CDH12: variants seen among roughly 807,000 people sequenced by gnomAD.
The protein encoded by CDH12 is cadherin-12.
A neutral mutation model predicts 74.1 loss-of-function variants in CDH12; 41 were observed. That is an observed-to-expected ratio of 0.55 (90% CI 0.43 to 0.72). The LOEUF (loss-of-function observed/expected upper bound fraction) is 0.72, where lower values mean the gene tolerates loss of function less well. Ranked by LOEUF, CDH12 falls within the 30% of genes least tolerant of loss-of-function variation. The pLI, the probability that CDH12 is intolerant of heterozygous loss-of-function variation, is 0.00. For synonymous variants in CDH12, 399 were observed against 355.0 expected, an observed-to-expected ratio of 1.12 and a Z score of -1.39; for missense variants, 945 against 977.2, an observed-to-expected ratio of 0.97 and a Z score of 0.44.
chr5:22,283,289 T>C (rs1736996174), intron 3 of CDH12, among the ~76,000 whole-genome samples: 1 of 147,448 alleles, frequency 6.8e-6, no homozygotes, highest in South Asian at 2.1e-4. Flanking sequence ...TACACACATA[T>C]ATATATAGCA....
intron 1 of CDH12, among the ~76,000 whole-genome samples, chr5:22,646,780 A>C (rs986812578): frequency 4.6e-5 from 7 of 151,946 alleles, no homozygotes; most frequent in African/African-American, 1.7e-4. Flanking sequence ...CCACACTAAC[A>C]TTTAAGAAAC....
chr5:21,864,588 G>C (rs1025535485), intron 6 of CDH12, among the ~76,000 whole-genome samples: 3 of 152,070 alleles, frequency 2.0e-5, no homozygotes, highest in Non-Finnish European at 4.4e-5. Flanking sequence ...CCCAGTCTTA[G>C]GTATTCTATT....
chr5:22,784,515 C>T (rs1452366606), intron 1 of CDH12, among the ~76,000 whole-genome samples: 3 of 152,102 alleles, frequency 2.0e-5, no homozygotes, highest in Non-Finnish European at 4.4e-5. Flanking sequence ...AAATTGGTCA[C>T]CACTAACTGC....
intron 5 of CDH12, among the ~76,000 whole-genome samples, chr5:22,006,292 T>C (rs903712397): frequency 2.0e-5 from 3 of 152,104 alleles, no homozygotes; most frequent in African/African-American, 7.2e-5. Flanking sequence ...GTGCTGGGAT[T>C]ACAGGCATGA....
At chr5:22,677,219 G>C (rs1318620162) in intron 1 of CDH12, among the ~76,000 whole-genome samples, 1 of 152,096 alleles carries the variant, frequency 6.6e-6, no homozygotes, top group African/African-American at 2.4e-5. Context: ...CACACACTCT[G>C]TCTCAAGGTA....
At chr5:21,814,116 A>G (rs1295973956) in intron 9 of CDH12, among the ~76,000 whole-genome samples, 1 of 150,260 alleles carries the variant, frequency 6.7e-6, no homozygotes, top group Non-Finnish European at 1.5e-5. Flanking sequence ...ATGGACAACA[A>G]TGATTCATCC....
intron 3 of CDH12, among the ~76,000 whole-genome samples, chr5:22,250,431 T>A (rs571041850): frequency 3.9e-5 from 6 of 152,106 alleles, no homozygotes; most frequent in African/African-American, 1.4e-4. Context: ...GTGATCAGAA[T>A]CCCTACAGGT....
chr5:21,998,763 C>G (rs1483510151), intron 5 of CDH12, among the ~76,000 whole-genome samples: 2 of 152,010 alleles, frequency 1.3e-5, no homozygotes, highest in Non-Finnish European at 1.5e-5. Flanking sequence ...ATGAGGGAAC[C>G]ACAGCTGGTC....
rs114455123 is a variant in CDH12, at chr5:22,688,292, A to G, written c.-523+164766T>C. The stretch of plus-strand genomic sequence containing the variant: ...TGGGATAATTTAGAATAAAATCGTT[A>G]TTTGCCAATGTAAACATATAATTAT... On this transcript the variant is annotated intron_variant, in intron 1 of 14. Coordinates refer to ENST00000382254, the MANE Select transcript of CDH12 (RefSeq NM_004061.5). Among the ~76,000 whole-genome samples the G allele has an allele frequency of 3.3e-3, 496 of 152,354 alleles. 2 individuals carry two copies. The highest frequency in any genetic ancestry group is 0.011 in the African/African-American group (469 of 41,580).
intron 4 of CDH12, among the ~76,000 whole-genome samples, chr5:22,172,058 A>AT (rs1749064017): frequency 6.6e-6 from 1 of 151,926 alleles, no homozygotes; most frequent in Non-Finnish European, 1.5e-5. Context: ...GATGCCTCCA[A>AT]TTTTTTGAAA....
At chr5:22,133,196 T>A (rs1475797141) in intron 4 of CDH12, among the ~76,000 whole-genome samples, 2 of 152,154 alleles carry the variant, frequency 1.3e-5, no homozygotes, top group Non-Finnish European at 2.9e-5. Flanking sequence ...TATTTAATAT[T>A]TCTAGAGGTG....
intron 1 of CDH12, among the ~76,000 whole-genome samples, chr5:22,750,424 G>A (rs996421006): frequency 1.3e-5 from 2 of 151,964 alleles, no homozygotes; most frequent in South Asian, 2.1e-4. Flanking sequence ...TAAGAACAAC[G>A]GGCAAAGAAT....
intron 1 of CDH12, among the ~76,000 whole-genome samples, chr5:22,618,348 C>G (rs578146438): frequency 3.9e-5 from 6 of 152,196 alleles, no homozygotes; most frequent in Admixed American, 2.6e-4. Flanking sequence ...GGCTAGGGAT[C>G]CTCTAGGATC....
intron 4 of CDH12, among the ~76,000 whole-genome samples, chr5:22,165,905 G>A (rs1023297891): frequency 1.3e-5 from 2 of 152,110 alleles, no homozygotes; most frequent in Non-Finnish European, 2.9e-5. Flanking sequence ...GTCTGTAAAG[G>A]GGAGGCATGA....
intron 5 of CDH12, among the ~76,000 whole-genome samples, chr5:21,993,567 C>T (rs1475527567): frequency 6.6e-6 from 1 of 152,144 alleles, no homozygotes; most frequent in Non-Finnish European, 1.5e-5. Context: ...GTTGAACTAC[C>T]TACACCCCAG....
intron 2 of CDH12, among the ~76,000 whole-genome samples, chr5:22,425,118 A>T (rs1295926547): frequency 7.0e-6 from 1 of 143,326 alleles, no homozygotes; most frequent in East Asian, 2.0e-4. Context: ...TACATATGAA[A>T]TGATATATAT....
intron 1 of CDH12, among the ~76,000 whole-genome samples, chr5:22,551,214 GAA>G (rs1300714662): frequency 6.6e-6 from 1 of 152,194 alleles, no homozygotes; most frequent in Non-Finnish European, 1.5e-5. Flanking sequence ...ATGCACAGAT[GAA>G]AGTCTATGTG....
At chr5:22,283,594 T>G (rs944233849) in intron 3 of CDH12, among the ~76,000 whole-genome samples, 2 of 151,958 alleles carry the variant, frequency 1.3e-5, no homozygotes, top group African/African-American at 4.8e-5. Flanking sequence ...GAATTGTGGT[T>G]GCTGGGAGCT....
At chr5:22,175,168 T>C (rs1260915296) in intron 4 of CDH12, among the ~76,000 whole-genome samples, 1 of 152,086 alleles carries the variant, frequency 6.6e-6, no homozygotes, top group Non-Finnish European at 1.5e-5. Flanking sequence ...CATAAATAAA[T>C]TTAGTTCTTT....
Sources: allele counts gnomAD v4.1 joint callset (sites outside exome capture counted in the v4.1 genomes callset), GRCh38; gene constraint gnomAD v4.1.1; transcripts MANE v1.5; gene names NCBI Gene and HGNC (gene_info 2026-07-23, HGNC 2026-07-21).